The following COL7A1 variants were observed in gnomAD, a reference collection of about 807,000 sequenced individuals.
COL7A1 encodes collagen type VII alpha 1 chain, also known as collagen alpha-1(VII) chain.
COL7A1 carries 296 observed loss-of-function variants against 456.2 expected under a neutral mutation model. That is an observed-to-expected ratio of 0.65 (90% CI 0.59 to 0.71). The LOEUF is 0.71. COL7A1 is among the 30% of genes least tolerant of loss of function. The pLI is 0.00. For synonymous variants in COL7A1, 1,464 were observed against 1,525.9 expected, an observed-to-expected ratio of 0.96 and a Z score of 0.95; for missense variants, 3,441 against 4,017.2, an observed-to-expected ratio of 0.86 and a Z score of 3.88.
rs759601440 is a variant in COL7A1, at chr3:48,570,816, A to G, written c.7272+45T>C. On this transcript the variant is annotated intron_variant, in intron 95 of 118. Coordinates refer to ENST00000681320, the MANE Select transcript of COL7A1 (RefSeq NM_000094.4). This position sits in a 1 kb window ranked among gnomAD's most constrained non-coding sequence, Gnocchi z 5.5. ...CCAAGGCAGGGCCCCCTCCTCACCCACCATGGATTCACCATGCCCCTACAT... is the reference window on the plus strand; with the variant it reads ...CCAAGGCAGGGCCCCCTCCTCACCCGCCATGGATTCACCATGCCCCTACAT... 17 of 1,575,130 alleles carry G rather than the reference A, an allele frequency of 1.1e-5. No individual in the cohort carries two copies. In the East Asian group the frequency reaches 1.8e-4, roughly 17 times the overall value.
chr3:48,564,998 A>T lies in COL7A1; in HGVS notation c.8621-18T>A, dbSNP rs2043537885. On this transcript the variant is annotated intron_variant, in intron 117 of 118. Transcript: ENST00000681320. This position sits in a 1 kb window ranked among gnomAD's most constrained non-coding sequence, Gnocchi z 6.0. ...ACAGGGGTCTGGGCCAATGGGGTCAAGTCAGCAGGGTTTGTGGGAATCAGA... is the reference window on the plus strand; with the variant it reads ...ACAGGGGTCTGGGCCAATGGGGTCATGTCAGCAGGGTTTGTGGGAATCAGA... 6.2e-7 allele frequency: 1 copy of T among 1,613,974 alleles called. No homozygotes were observed. Among genetic ancestry groups the T allele is most frequent in the Admixed American group, 1.7e-5 (1 of 60,008 alleles).
rs1560235645 is a variant in COL7A1 at position 48,581,989 on chromosome 3, GTATGA to G, written c.4636-51_4636-47del. On this transcript the variant is annotated intron_variant, in intron 47 of 118. Coordinates refer to ENST00000681320, the MANE Select transcript of COL7A1 (RefSeq NM_000094.4). This position sits in a 1 kb window ranked among gnomAD's most constrained non-coding sequence, Gnocchi z 5.8. ...TACAGCTTGGCCCTGCCTTGGGGTT[GTATGA>G]TCAAAGTCTTCATTGGAATGGAGGT... The G allele has an allele frequency of 6.2e-7, 1 of 1,613,444 alleles. No individual in the cohort carries two copies. The highest frequency in any genetic ancestry group is 8.5e-7 in the Non-Finnish European group (1 of 1,179,586).
chr3:48,573,654 C>G lies in COL7A1; in HGVS notation c.6573+36G>C. 1 of 1,612,730 alleles carries G rather than the reference C, an allele frequency of 6.2e-7. No individual in the cohort carries two copies. The highest frequency in any genetic ancestry group is 1.1e-5 in the South Asian group (1 of 90,898). On this transcript the variant is annotated intron_variant, in intron 82 of 118. Coordinates refer to ENST00000681320, the MANE Select transcript of COL7A1 (RefSeq NM_000094.4). This position sits in a 1 kb window ranked among gnomAD's most constrained non-coding sequence, Gnocchi z 5.5. ...TGGCCAATGCCTATCCCAGCCCTTC[C>G]AGACCCTCACCAGGCAGTGTTCCCT...
Position 48,569,891 on chromosome 3 carries a change from G to T in COL7A1, c.7510C>A (p.Arg2504Ser). 1.2e-6 allele frequency: 2 copies of T among 1,614,100 alleles called. No individual in the cohort carries two copies. Among genetic ancestry groups the T allele is most frequent in the Non-Finnish European group, 1.7e-6 (2 of 1,179,990 alleles). ...CCCCACGTTCCTACCTTCTCCCCAC[G>T]CTCTCCCCTGCTGCCAGGGGGCCCC... is the stretch of plus-strand genomic sequence containing the variant. The part of the protein sequence containing the change: ...LTGPPGSRGE[R>S]GEKGDVGSAG... Residue 2504 changes from arginine to serine, a missense_variant, in exon 100 of 119, where the codon CGT (arginine) becomes AGT (serine). This residue lies in a region of COL7A1 where 2,084 missense variants were observed against 2,501.3 expected (regional missense o/e 0.83). Transcript: ENST00000681320. The surrounding 1 kb of genome is among the most constrained non-coding windows in gnomAD (Gnocchi z 4.9).
intron 65 of COL7A1, 28 bp from the exon 66 acceptor site, chr3:48,577,055 A>T: frequency 1.2e-6 from 2 of 1,613,796 alleles, no homozygotes; most frequent in Non-Finnish European, 1.7e-6. Context: ...ACATCAGCCC[A>T]AACATTCACT....
chr3:48,564,469 C>A lies in COL7A1; in HGVS notation c.8819-47G>T. ...CGGTCGTCAGCCATCTGACCTTCCC[C>A]GGAGACGCTCAGGCAGAGGCACCGC... On this transcript the variant is annotated intron_variant, in intron 118 of 118. Coordinates refer to ENST00000681320, the MANE Select transcript of COL7A1 (RefSeq NM_000094.4). The surrounding 1 kb of genome is among the most constrained non-coding windows in gnomAD (Gnocchi z 6.0). 1 of 1,611,766 alleles carries A rather than the reference C, an allele frequency of 6.2e-7. No individual in the cohort carries two copies. The highest frequency in any genetic ancestry group is 2.2e-5 in the East Asian group (1 of 44,780).
chr3:48,567,179 G>A lies in COL7A1; in HGVS notation c.8058C>T (p.Gly2686=), dbSNP rs747362988. The change falls in exon 110 of 119, where the codon GGC becomes GGT. Residue 2686 remains glycine (G), a synonymous_variant. Transcript: ENST00000681320. This position sits in a 1 kb window ranked among gnomAD's most constrained non-coding sequence, Gnocchi z 4.3. ...CCTTGGGGCCTGGCTGCCCGTCAAA[G>A]CCTCGGTCACCCTGGGAACAGAAGA... ...EGLIGPKGDR[G]FDGQPGPKGD... is the part of the protein sequence containing the mutation. 2.5e-6 allele frequency: 4 copies of A among 1,613,930 alleles called. No individual in the cohort carries two copies. The highest frequency in any genetic ancestry group is 2.5e-6 in the Non-Finnish European group (3 of 1,179,956).
At position 48,578,320 on chromosome 3, in the gene COL7A1, C is replaced by T. The variant is rs767182886; in HGVS notation, c.5532+1G>A. On this transcript the variant is annotated splice_donor_variant, in intron 65 of 118. Coordinates refer to ENST00000681320, the MANE Select transcript of COL7A1 (RefSeq NM_000094.4). LOFTEE classifies it high-confidence loss of function. The surrounding 1 kb of genome is among the most constrained non-coding windows in gnomAD (Gnocchi z 4.7). The stretch of plus-strand genomic sequence containing the variant: ...GCCGCAGCTGCCCTGGACACACTCA[C>T]GTTTTTTCCATTCAGGCCAGGTTTG... 3 of 1,612,564 alleles carry T rather than the reference C, an allele frequency of 1.9e-6. No homozygotes were observed. Among genetic ancestry groups the T allele is most frequent in the Non-Finnish European group, 2.5e-6 (3 of 1,180,040 alleles).
In COL7A1 at chr3:48,589,347, G is replaced by A. The variant is rs751496071; in HGVS notation, c.2294C>T (p.Ala765Val). 2.5e-6 allele frequency: 4 copies of A among 1,612,330 alleles called. No individual in the cohort carries two copies. The South Asian group carries it at 3.3e-5, about 13-fold the overall frequency. The change falls in exon 18 of 119, where the codon GCC becomes GTC. Residue 765 changes from alanine to valine, a missense_variant. Around this residue, in one of 3 missense-constraint regions of COL7A1, gnomAD observed 913 missense variants for 1,088.2 expected, o/e 0.84. Transcript: ENST00000681320. ...AHVAGVDGPP[A>V]SVVVRTAPEP... ...CTCACCAGTCCTCACAACCACAGAG[G>A]CAGGGGGCCCATCCACGCCAGCCAC...
chr3:48,565,562 CCT>C lies in COL7A1; in HGVS notation c.8441-68_8441-67del. ...ATGGGCAGCCATCCCAGCCAACCCC[CCT>C]GAGAGGACCCCAGTTGATAGGCAGG... is the stretch of plus-strand genomic sequence containing the variant. On this transcript the variant is annotated intron_variant, in intron 115 of 118. Coordinates refer to ENST00000681320, the MANE Select transcript of COL7A1 (RefSeq NM_000094.4). This position sits in a 1 kb window ranked among gnomAD's most constrained non-coding sequence, Gnocchi z 4.5. 1.2e-6 allele frequency: 2 copies of C among 1,614,064 alleles called. No homozygotes were observed. The highest frequency in any genetic ancestry group is 1.7e-6 in the Non-Finnish European group (2 of 1,179,952).
chr3:48,572,786 C>G lies in COL7A1; in HGVS notation c.6832-47G>C, dbSNP rs2044024056. On this transcript the variant is annotated intron_variant, in intron 87 of 118. Coordinates refer to ENST00000681320, the MANE Select transcript of COL7A1 (RefSeq NM_000094.4). The surrounding 1 kb of genome is among the most constrained non-coding windows in gnomAD (Gnocchi z 4.6). ...AACTCAGTGCCTCTCCACCACCACC[C>G]CTGCTGCCCCACTCCTCATATTTCA... 6.2e-7 allele frequency: 1 copy of G among 1,612,286 alleles called. No homozygotes were observed. Among genetic ancestry groups the G allele is most frequent in the East Asian group, 2.2e-5 (1 of 44,764 alleles).
rs1206077097 is a variant in COL7A1 at position 48,580,186 on chromosome 3, G to T, written c.5097+114C>A. 8 of 1,525,374 alleles carry T rather than the reference G, an allele frequency of 5.2e-6. No homozygotes were observed. In the Admixed American group the frequency reaches 1.3e-4, roughly 24 times the overall value. 94.5% of individuals were successfully genotyped at this position (1,525,374 alleles called of 1,614,324 possible). ...CAATGCCAGCCCCCAGCAGGCATGG[G>T]TGGCCATCCATGCTTCCCACCTGGA... On this transcript the variant is annotated intron_variant, in intron 56 of 118. Coordinates refer to ENST00000681320, the MANE Select transcript of COL7A1 (RefSeq NM_000094.4). This position sits in a 1 kb window ranked among gnomAD's most constrained non-coding sequence, Gnocchi z 4.5.
In COL7A1 at chr3:48,571,293, C is replaced by A; in HGVS notation, c.7069-15G>T. ...CCTTTCTGACCCTAAGAAAACCCAGCAAACAGCATTTGAGAGGGTAGGAAC... is the reference window on the plus strand; with the variant it reads ...CCTTTCTGACCCTAAGAAAACCCAGAAAACAGCATTTGAGAGGGTAGGAAC... On this transcript the variant is annotated splice_polypyrimidine_tract_variant and intron_variant, in intron 92 of 118. Transcript: ENST00000681320. The surrounding 1 kb of genome is among the most constrained non-coding windows in gnomAD (Gnocchi z 4.6). 4.3e-6 allele frequency: 7 copies of A among 1,614,140 alleles called. No homozygotes were observed. The highest frequency in any genetic ancestry group is 1.6e-4 in the Middle Eastern group (1 of 6,062).
At position 48,573,433 on chromosome 3, in the gene COL7A1, C is replaced by T; in HGVS notation, c.6618+80G>A. On this transcript the variant is annotated intron_variant, in intron 83 of 118. Coordinates refer to ENST00000681320, the MANE Select transcript of COL7A1 (RefSeq NM_000094.4). The surrounding 1 kb of genome is among the most constrained non-coding windows in gnomAD (Gnocchi z 5.5). ...ATCCTCATTGCAGGAGATGACAGCC[C>T]AGGAGGTTGGCGCACACTACCCCAG... 1 of 1,613,624 alleles carries T rather than the reference C, an allele frequency of 6.2e-7. No individual in the cohort carries two copies. The highest frequency in any genetic ancestry group is 8.5e-7 in the Non-Finnish European group (1 of 1,179,628).
chr3:48,574,948 G>T lies in COL7A1; in HGVS notation c.6280-83C>A. On this transcript the variant is annotated intron_variant, in intron 76 of 118. Coordinates refer to ENST00000681320, the MANE Select transcript of COL7A1 (RefSeq NM_000094.4). The surrounding 1 kb of genome is among the most constrained non-coding windows in gnomAD (Gnocchi z 5.0). ...ATCACAGATCTCAGGATCACAGAGG[G>T]TTATAGGGTCAGAAATTCCAGGGTT... 4 of 1,584,816 alleles carry T rather than the reference G, an allele frequency of 2.5e-6. No individual in the cohort carries two copies. The highest frequency in any genetic ancestry group is 3.5e-6 in the Non-Finnish European group (4 of 1,156,098).
rs1474785423 is a variant in COL7A1, at chr3:48,565,007, G to A, written c.8621-27C>T. ...TGGGCCAATGGGGTCAAGTCAGCAG[G>A]GTTTGTGGGAATCAGAGAGGGTTGA... is the stretch of plus-strand genomic sequence containing the variant. On this transcript the variant is annotated intron_variant, in intron 117 of 118. Transcript: ENST00000681320. This position sits in a 1 kb window ranked among gnomAD's most constrained non-coding sequence, Gnocchi z 4.5. The A allele has an allele frequency of 6.2e-6, 10 of 1,613,892 alleles. 1 individual carries two copies. Among genetic ancestry groups the A allele is most frequent in the East Asian group, 2.2e-5 (1 of 44,888 alleles).
In COL7A1 at chr3:48,570,774, C is replaced by G. The variant is rs967757414; in HGVS notation, c.7273-64G>C. On this transcript the variant is annotated intron_variant, in intron 95 of 118. Transcript: ENST00000681320. This position sits in a 1 kb window ranked among gnomAD's most constrained non-coding sequence, Gnocchi z 5.5. ...TGGGAACCCTCCTACCCTCTGCCCC[C>G]TCAAGACTGGGAACCCCCAAGGCAG... 6.4e-6 allele frequency: 10 copies of G among 1,557,500 alleles called. No individual in the cohort carries two copies. Among genetic ancestry groups the G allele is most frequent in the Admixed American group, 3.9e-5 (2 of 51,802 alleles).
chr3:48,580,132 A>C lies in COL7A1; in HGVS notation c.5098-75T>G. The C allele has an allele frequency of 6.3e-7, 1 of 1,589,404 alleles. No individual in the cohort carries two copies. Among genetic ancestry groups the C allele is most frequent in the South Asian group, 1.1e-5 (1 of 89,952 alleles). The stretch of plus-strand genomic sequence containing the variant: ...ATGGCTCTGGTTTGCCCCAGGCTCA[A>C]CTCTGCCCCCAAGTTCCCCGAAGCA... On this transcript the variant is annotated intron_variant, in intron 56 of 118. Coordinates refer to ENST00000681320, the MANE Select transcript of COL7A1 (RefSeq NM_000094.4). The surrounding 1 kb of genome is among the most constrained non-coding windows in gnomAD (Gnocchi z 4.5).
In COL7A1 at chr3:48,575,469, G is replaced by A; in HGVS notation, c.6050C>T (p.Pro2017Leu). The A allele has an allele frequency of 6.2e-7, 1 of 1,611,702 alleles. No homozygotes were observed. Among genetic ancestry groups the A allele is most frequent in the Non-Finnish European group, 8.5e-7 (1 of 1,179,558 alleles). Reference sequence around the variant, plus strand: ...GCCCCTCTCCCCAAGGGCCAGACCAGGTGGCCCCTGAGGGCCAGGGTCTCC... The same window carrying A: ...GCCCCTCTCCCCAAGGGCCAGACCAAGTGGCCCCTGAGGGCCAGGGTCTCC... ...DRGDPGPQGP[P>L]GLALGERGPP... Residue 2017 changes from proline (P) to leucine (L), a missense_variant, in exon 74 of 119, where the codon CCT becomes CTT. Transcript: ENST00000681320. This position sits in a 1 kb window ranked among gnomAD's most constrained non-coding sequence, Gnocchi z 6.3.
Sources: gnomAD v4.1 joint callset for allele counts on GRCh38, gnomAD v4.1.1 for gene constraint, gnomAD v4.1.1 regional missense constraint, Gnocchi (gnomAD v3.1) non-coding constraint, MANE v1.5 for transcripts, NCBI Gene and HGNC (gene_info 2026-07-23, HGNC 2026-07-21) for gene names.